The following ADGRV1 variants were observed in gnomAD, a reference collection of about 807,000 sequenced individuals.
The protein encoded by ADGRV1 is adhesion G protein-coupled receptor V1, also known as G-protein coupled receptor 98.
A neutral mutation model predicts 596.2 loss-of-function variants in ADGRV1; 359 were observed. The ratio of observed to expected loss-of-function variants is 0.60; its 90% CI spans 0.55 to 0.66. ADGRV1 has a LOEUF of 0.66. Ranked by LOEUF, ADGRV1 falls within the 30% of genes least tolerant of loss-of-function variation. The pLI is 0.00. For synonymous variants in ADGRV1, 2,681 were observed against 2,679.2 expected, an observed-to-expected ratio of 1.00 and a Z score of -0.02; for missense variants, 7,274 against 7,575.6, an observed-to-expected ratio of 0.96 and a Z score of 1.48.
chr5:90,899,236 T>G (rs983341812), intron 83 of ADGRV1: 2 of 152,212 alleles, frequency 1.3e-5, no homozygotes, highest in African/African-American at 2.4e-5. Context: ...ATGCTTACTT[T>G]TAGCAGAAAT....
intron 78 of ADGRV1, among the ~76,000 whole-genome samples, chr5:90,841,479 T>G (rs1765422847): frequency 6.6e-6 from 1 of 152,172 alleles, no homozygotes; most frequent in Non-Finnish European, 1.5e-5. Flanking sequence ...AATTAAGAAA[T>G]GACTAGATAA....
chr5:90,778,050 A>G lies in ADGRV1; in HGVS notation c.12666+7A>G, dbSNP rs773007797. ...AGTCATTGTAGTAATACAGGTATCA[A>G]TATTAGCTGGTTTCTTTTATGCCCT... On this transcript the variant is annotated splice_region_variant and intron_variant, in intron 62 of 89. Transcript: ENST00000405460. The G allele has an allele frequency of 1.2e-5, 18 of 1,555,524 alleles. No individual in the cohort carries two copies. The South Asian group carries it at 2.0e-4, about 17-fold the overall frequency.
chr5:91,065,421 T>C (rs1296321509), intron 85 of ADGRV1, among the ~76,000 whole-genome samples: 2 of 152,244 alleles, frequency 1.3e-5, no homozygotes, highest in African/African-American at 4.8e-5. Context: ...AGATGTAACC[T>C]GGCTGTCCAG....
intron 85 of ADGRV1, among the ~76,000 whole-genome samples, chr5:91,038,177 A>C (rs575191412): frequency 2.0e-4 from 31 of 152,294 alleles, no homozygotes; most frequent in African/African-American, 7.2e-4. Context: ...TCTGGGTAGA[A>C]GGAAGACCCT....
intron 88 of ADGRV1, among the ~76,000 whole-genome samples, chr5:91,151,283 T>A (rs1380856345): frequency 6.6e-6 from 1 of 152,162 alleles, no homozygotes; most frequent in African/African-American, 2.4e-5. Flanking sequence ...ATTCAAGTAC[T>A]ATATATATTT....
chr5:91,023,581 C>G (rs1474356710), intron 85 of ADGRV1, among the ~76,000 whole-genome samples: 1 of 152,056 alleles, frequency 6.6e-6, no homozygotes, highest in African/African-American at 2.4e-5. Context: ...GAAATTCTCT[C>G]TAGTATCAGG....
intron 58 of ADGRV1, 158 bp downstream of exon 58, chr5:90,759,746 AC>A (rs1435657164): frequency 1.5e-6 from 1 of 653,516 alleles, no homozygotes; most frequent in Non-Finnish European, 2.8e-6. Context: ...CGGGCAGATC[AC>A]GAGGTCAGGA....
chr5:90,719,109 C>T (rs1750561456), intron 43 of ADGRV1, among the ~76,000 whole-genome samples: 1 of 152,036 alleles, frequency 6.6e-6, no homozygotes, highest in South Asian at 2.1e-4. Flanking sequence ...GCGGGCGGAT[C>T]ACTTGAGGTC....
At chr5:90,789,405 T>C (rs1422166456) in intron 68 of ADGRV1, among the ~76,000 whole-genome samples, 1 of 152,164 alleles carries the variant, frequency 6.6e-6, no homozygotes, top group Non-Finnish European at 1.5e-5. Flanking sequence ...GTAGTAAATA[T>C]GAGATGAATA....
intron 77 of ADGRV1, among the ~76,000 whole-genome samples, chr5:90,834,921 C>CTTCT (rs141937099): frequency 6.4e-4 from 82 of 127,906 alleles, no homozygotes; most frequent in South Asian, 2.8e-3. Context: ...TTTCTCTTTC[C>CTTCT]TTCTTTCTTT....
chr5:90,884,464 T>C (rs1160593316), intron 83 of ADGRV1, among the ~76,000 whole-genome samples: 1 of 152,200 alleles, frequency 6.6e-6, no homozygotes, highest in Non-Finnish European at 1.5e-5. Context: ...ATTAAATTGC[T>C]TCTGACTTGT....
intron 85 of ADGRV1, among the ~76,000 whole-genome samples, chr5:90,992,544 A>G (rs1374271650): frequency 6.6e-6 from 1 of 152,194 alleles, no homozygotes; most frequent in Admixed American, 6.5e-5. Context: ...GTAGTTCTTG[A>G]GTAACCTTCA....
intron 1 of ADGRV1, among the ~76,000 whole-genome samples, chr5:90,596,685 C>G (rs1009230981): frequency 6.6e-6 from 1 of 152,190 alleles, no homozygotes; most frequent in Non-Finnish European, 1.5e-5. Context: ...AGGCACTCCG[C>G]AGGCTGAGGC....
chr5:90,697,882 G>C (rs1747403397), intron 34 of ADGRV1, among the ~76,000 whole-genome samples: 1 of 152,088 alleles, frequency 6.6e-6, no homozygotes. Context: ...ACCTTGAATA[G>C]TTAATAAATG....
chr5:90,907,519 T>C (rs1772437258), intron 83 of ADGRV1, among the ~76,000 whole-genome samples: 1 of 152,078 alleles, frequency 6.6e-6, no homozygotes, highest in Non-Finnish European at 1.5e-5. Flanking sequence ...TCACACCTTC[T>C]TCCTGCCCCA....
Position 90,558,834 on chromosome 5 carries a change from CG to C in ADGRV1, c.-59del. On this transcript the variant is annotated 5_prime_UTR_variant, in exon 1 of 90. Coordinates refer to ENST00000405460, the MANE Select transcript of ADGRV1 (RefSeq NM_032119.4). ...CAGCAGCGCGGGCAAGGAGTACGGA[CG>C]GGAGTCAGAGGCAGAGCGAGGGTGT... 6.6e-7 allele frequency: 1 copy of C among 1,522,628 alleles called. No individual in the cohort carries two copies. Among genetic ancestry groups the C allele is most frequent in the East Asian group, 2.4e-5 (1 of 41,420 alleles). 94.3% of individuals were successfully genotyped at this position (1,522,628 alleles called of 1,614,324 possible). A position where few individuals can be genotyped will look rare whatever the true frequency, so the allele number is the denominator to read the frequency against.
At chr5:90,957,176 G>A (rs1034721207) in intron 83 of ADGRV1, among the ~76,000 whole-genome samples, 4 of 152,062 alleles carry the variant, frequency 2.6e-5, no homozygotes, top group African/African-American at 9.7e-5. Context: ...CTGTGCCCTT[G>A]GCAAATGTAT....
chr5:90,912,285 G>T (rs180928855), intron 83 of ADGRV1, among the ~76,000 whole-genome samples: 18 of 152,174 alleles, frequency 1.2e-4, no homozygotes, highest in Admixed American at 9.2e-4. Flanking sequence ...GAAAGGGAAA[G>T]GAGAAGCAGC....
intron 43 of ADGRV1, 147 bp downstream of exon 43, chr5:90,716,876 GACAAGTGCTGTAGTTCTATTT>G: frequency 1.6e-6 from 1 of 613,260 alleles, no homozygotes; most frequent in Non-Finnish European, 2.8e-6. Flanking sequence ...TTTACTATGT[GACAAGTGCTGTAGTTCTATTT>G]ACTCTGTATA....
Sources: gnomAD v4.1 joint callset for allele counts (sites outside exome capture counted in the v4.1 genomes callset) on GRCh38, gnomAD v4.1.1 for gene constraint, MANE v1.5 for transcripts, NCBI Gene and HGNC (gene_info 2026-07-23, HGNC 2026-07-21) for gene names.